Variants in MYT1 observed in about 807,000 individuals in gnomAD.
MYT1 encodes the protein myelin transcription factor 1, also known as myelin transcription factor I.
Under a neutral mutation model 123.0 loss-of-function variants are expected in MYT1, and 23 were observed. That is an observed-to-expected ratio of 0.19 (90% CI 0.13 to 0.26). The LOEUF (loss-of-function observed/expected upper bound fraction) is 0.26, where lower values mean the gene tolerates loss of function less well. MYT1 is among the 10% of genes least tolerant of loss of function. The pLI is 1.00. For missense variants in MYT1, 1,125 were observed against 1,472.5 expected (o/e 0.76, Z 3.86); for synonymous variants, 518 against 575.3 (o/e 0.90, Z 1.43).
rs1983896348 is a variant in MYT1, at chr20:64,218,167, A to G, written c.1847-744A>G. 6.6e-6 allele frequency among the ~76,000 whole-genome samples: 1 copy of G among 152,232 alleles called. No individual in the cohort carries two copies. Among genetic ancestry groups the G allele is most frequent in the Admixed American group, 6.5e-5 (1 of 15,288 alleles). On this transcript the variant is annotated intron_variant, in intron 11 of 22. Coordinates refer to ENST00000328439, the MANE Select transcript of MYT1 (RefSeq NM_004535.3). The surrounding 1 kb of genome is among the most constrained non-coding windows in gnomAD (Gnocchi z 4.0). ...GAGGACTTCCTGCCTCCAGGCACAC[A>G]TGCCTACTTGGATGAGGGAATGCAA...
chr20:64,219,915 A>T lies in MYT1; in HGVS notation c.2174A>T (p.Gln725Leu). 2 of 1,563,610 alleles carry T rather than the reference A, an allele frequency of 1.3e-6. No homozygotes were observed. Among genetic ancestry groups the T allele is most frequent in the South Asian group, 2.3e-5 (2 of 85,586 alleles). ...TSPQSSQASRQDEWDRPLDYT... is the reference protein window; with the variant it reads ...TSPQSSQASRLDEWDRPLDYT... ...CCCCAGTCCAGCCAGGCCTCCCGCC[A>T]GGACGAGTGGGACCGGCCCCTGGAC... The change falls in exon 13 of 23, where the codon CAG becomes CTG. Residue 725 changes from glutamine to leucine, a missense_variant. Gln to Leu is a moderately radical substitution (Grantham distance 113). Transcript: ENST00000328439.
At chr20:64,198,808 C>G in intron 2 of MYT1, 54 bp from the exon 3 acceptor site, 2 of 1,594,370 alleles carry the variant, frequency 1.3e-6, no homozygotes, top group Non-Finnish European at 1.7e-6. Flanking sequence ...TGGCTCTGTA[C>G]TCCAGAGGCA....
chr20:64,171,492 G>A (rs191032147), intron 1 of MYT1, among the ~76,000 whole-genome samples: 5 of 152,316 alleles, frequency 3.3e-5, no homozygotes, highest in East Asian at 3.9e-4. Flanking sequence ...GCTGCAAATC[G>A]CACATGCGGC....
At chr20:64,207,513 GT>G (rs991559182) in intron 6 of MYT1, 80 bp from the exon 7 acceptor site, 72 of 1,544,616 alleles carry the variant, frequency 4.7e-5, no homozygotes, top group Non-Finnish European at 6.2e-5. Context: ...AGGTGGAGGG[GT>G]GGTGGGTGTG....
In MYT1 at chr20:64,190,636, T is replaced by C. The variant is rs956269008; in HGVS notation, c.-1+476T>C. Among the ~76,000 whole-genome samples, 1 of 151,434 alleles carries C rather than the reference T, an allele frequency of 6.6e-6. No homozygotes were observed. Among genetic ancestry groups the C allele is most frequent in the Non-Finnish European group, 1.5e-5 (1 of 67,988 alleles). ...AAGTCAAGGCTGCAGTGAGCTGAGA[T>C]TGTGCCACTGCACTCCAGCCTGGGT... On this transcript the variant is annotated intron_variant, in intron 2 of 22. Coordinates refer to ENST00000328439, the MANE Select transcript of MYT1 (RefSeq NM_004535.3). The surrounding 1 kb of genome is among the most constrained non-coding windows in gnomAD (Gnocchi z 4.1).
chr20:64,178,393 G>A (rs916482827), intron 1 of MYT1, among the ~76,000 whole-genome samples: 2 of 152,228 alleles, frequency 1.3e-5, no homozygotes, highest in African/African-American at 4.8e-5. Flanking sequence ...CGTGCTGTGC[G>A]TGGTCCTGGT....
chr20:64,227,395 A>C lies in MYT1; in HGVS notation c.2529-20A>C. The C allele has an allele frequency of 6.8e-6, 11 of 1,611,832 alleles. No individual in the cohort carries two copies. Among genetic ancestry groups the C allele is most frequent in the Non-Finnish European group, 9.3e-6 (11 of 1,179,172 alleles). ...AAACGCCTTCACGGGCTCCCGTTCC[A>C]GTTCTGCTTCCCTCTGCAGGTGCCC... is the stretch of plus-strand genomic sequence containing the variant. On this transcript the variant is annotated intron_variant, in intron 16 of 22. Transcript: ENST00000328439.
intron 1 of MYT1, among the ~76,000 whole-genome samples, chr20:64,172,915 G>C (rs1320226316): frequency 6.6e-6 from 1 of 151,886 alleles, no homozygotes; most frequent in Admixed American, 6.6e-5. Flanking sequence ...CTTTAGTAGA[G>C]ACAGGGTTTC....
At position 64,205,047 on chromosome 20, in the gene MYT1, A is replaced by G. The variant is rs1436104560; in HGVS notation, c.99A>G (p.Pro33=). 1 of 1,613,854 alleles carries G rather than the reference A, an allele frequency of 6.2e-7. No homozygotes were observed. Among genetic ancestry groups the G allele is most frequent in the African/African-American group, 1.3e-5 (1 of 74,894 alleles). The change falls in exon 5 of 23, where the codon CCA becomes CCG. Residue 33 remains proline (P), a synonymous_variant. Transcript: ENST00000328439. ...TATTTCCCCTCAGCTGCCCCACCCCAGGATGCACAGGCTCAGGGCACGTCC... is the reference window on the plus strand; with the variant it reads ...TATTTCCCCTCAGCTGCCCCACCCCGGGATGCACAGGCTCAGGGCACGTCC... ...TTAADLSCPT[P]GCTGSGHVRG...
intron 16 of MYT1, among the ~76,000 whole-genome samples, chr20:64,225,341 C>T (rs1984139265): frequency 6.6e-6 from 1 of 152,222 alleles, no homozygotes; most frequent in Non-Finnish European, 1.5e-5. Context: ...TCATGACTTC[C>T]CTGTCCGCAC....
chr20:64,210,311 C>T (rs948179023), intron 7 of MYT1, among the ~76,000 whole-genome samples: 5 of 152,324 alleles, frequency 3.3e-5, no homozygotes, highest in South Asian at 2.1e-4. Context: ...GTCTGTGCAA[C>T]GTGAACGTGC....
intron 11 of MYT1, among the ~76,000 whole-genome samples, chr20:64,217,863 A>G (rs1901168116): frequency 6.6e-6 from 1 of 152,276 alleles, no homozygotes. Flanking sequence ...GACAAAAATC[A>G]TTCCTACAAA....
chr20:64,211,964 T>C (rs1983679877), intron 8 of MYT1, 84 bp from the exon 9 acceptor site: 1 of 1,166,250 alleles, frequency 8.6e-7, no homozygotes, highest in Non-Finnish European at 1.3e-6. Context: ...TCCTGCACCC[T>C]CCTCAGCCTG....
chr20:64,172,240 G>A (rs1982306536), intron 1 of MYT1, among the ~76,000 whole-genome samples: 1 of 152,182 alleles, frequency 6.6e-6, no homozygotes, highest in South Asian at 2.1e-4. Context: ...CTGGAGCTAG[G>A]GCTGCAGTTG....
intron 1 of MYT1, among the ~76,000 whole-genome samples, chr20:64,183,735 C>T (rs1207150128): frequency 6.6e-6 from 1 of 152,060 alleles, no homozygotes; most frequent in Non-Finnish European, 1.5e-5. Flanking sequence ...GTTCTTTTTT[C>T]CAAATACAAG....
chr20:64,194,170 C>CATGA (rs1283668167), intron 2 of MYT1, among the ~76,000 whole-genome samples: 1 of 152,188 alleles, frequency 6.6e-6, no homozygotes, highest in African/African-American at 2.4e-5. Context: ...ACCTTACAAC[C>CATGA]ATGAATGAAT....
intron 20 of MYT1, among the ~76,000 whole-genome samples, chr20:64,236,888 T>G (rs370465757): frequency 3.3e-5 from 5 of 152,142 alleles, no homozygotes; most frequent in African/African-American, 9.7e-5. Context: ...AACCTGCGGC[T>G]TTGGTGACCA....
Position 64,217,242 on chromosome 20 carries a change from A to G in MYT1, c.1807A>G (p.Lys603Glu), listed in dbSNP as rs1317721782. Residue 603 changes from lysine (K) to glutamate (E), a missense_variant, in exon 11 of 23, where the codon AAG becomes GAG. Transcript: ENST00000328439. ...TTTTGGCAAACGCATGCTTGCCCCA[A>G]AGATTCAGACCAGCGAAACCTCACC... is the stretch of plus-strand genomic sequence containing the variant. Reference protein sequence around the residue: ...QVFGKRMLAPKIQTSETSPKA... With the variant: ...QVFGKRMLAPEIQTSETSPKA... The G allele has an allele frequency of 1.9e-6, 3 of 1,614,150 alleles. No individual in the cohort carries two copies. The highest frequency in any genetic ancestry group is 3.3e-5 in the Admixed American group (2 of 60,014).
rs202118107 is a variant in MYT1, at chr20:64,227,374, G to C, written c.2529-41G>C. ...CCAGGGCTCTGGGCCGGGGCTAAACGCCTTCACGGGCTCCCGTTCCAGTTC... is the reference window on the plus strand; with the variant it reads ...CCAGGGCTCTGGGCCGGGGCTAAACCCCTTCACGGGCTCCCGTTCCAGTTC... On this transcript the variant is annotated intron_variant, in intron 16 of 22. Transcript: ENST00000328439. 22 of 1,604,698 alleles carry C rather than the reference G, an allele frequency of 1.4e-5. 1 individual carries two copies. In the South Asian group the frequency reaches 2.3e-4, roughly 17 times the overall value.
Sources: gnomAD v4.1 joint callset for allele counts (sites outside exome capture counted in the v4.1 genomes callset) on GRCh38, gnomAD v4.1.1 for gene constraint, Gnocchi (gnomAD v3.1) non-coding constraint, MANE v1.5 for transcripts, NCBI Gene and HGNC (gene_info 2026-07-23, HGNC 2026-07-21) for gene names.